Variants in NELL1 observed in about 807,000 individuals in gnomAD.
The protein encoded by NELL1 is protein kinase C-binding protein NELL1.
A neutral mutation model predicts 107.4 loss-of-function variants in NELL1; 76 were observed. That is an observed-to-expected ratio of 0.71 (90% CI 0.59 to 0.86). The LOEUF is 0.86. Among genes scored for constraint, NELL1 ranks in the 40% least tolerant of loss-of-function variants. NELL1 has a pLI of 0.00. For missense variants in NELL1, 1,024 were observed against 1,005.5 expected (o/e 1.02, Z -0.25); for synonymous variants, 353 against 341.2 (o/e 1.03, Z -0.38).
At chr11:20,998,148 G>C (rs1349573106) in intron 12 of NELL1, among the ~76,000 whole-genome samples, 1 of 151,954 alleles carries the variant, frequency 6.6e-6, no homozygotes, top group African/African-American at 2.4e-5. Flanking sequence ...AAAATTATAA[G>C]AATATTAAGA....
chr11:20,890,190 T>A (rs1420374204), intron 5 of NELL1, among the ~76,000 whole-genome samples: 1 of 151,992 alleles, frequency 6.6e-6, no homozygotes, highest in Admixed American at 6.6e-5. Context: ...AAGTGACATC[T>A]CCAGGCATGG....
chr11:21,253,801 C>A (rs1311225712), intron 14 of NELL1, among the ~76,000 whole-genome samples: 1 of 152,014 alleles, frequency 6.6e-6, no homozygotes, highest in African/African-American at 2.4e-5. Context: ...AACAAAAAAA[C>A]ACAGCTTCTG....
chr11:21,170,152 A>G lies in NELL1; in HGVS notation c.1426+56438A>G, dbSNP rs1856572575. On this transcript the variant is annotated intron_variant, in intron 13 of 19. Coordinates refer to ENST00000357134, the MANE Select transcript of NELL1 (RefSeq NM_006157.5). ...CTTTGTTCCATGACTCCTTCAATACATGACTGGGATGTGATCTAAGCAGGT... is the reference window on the plus strand; with the variant it reads ...CTTTGTTCCATGACTCCTTCAATACGTGACTGGGATGTGATCTAAGCAGGT... 3 of 650,772 alleles carry G rather than the reference A, an allele frequency of 4.6e-6. No individual in the cohort carries two copies. The Admixed American group carries it at 7.2e-5, about 16-fold the overall frequency. The allele number at this position is 650,772 out of a possible 1,614,324, so 40.3% of individuals were successfully genotyped here.
At chr11:20,975,880 C>T (rs565042048) in intron 12 of NELL1, among the ~76,000 whole-genome samples, 23 of 103,652 alleles carry the variant, frequency 2.2e-4, no homozygotes, top group Admixed American at 5.2e-4. Flanking sequence ...TATACACATA[C>T]ATGTGTATTA....
chr11:21,359,935 C>T (rs1015463488), intron 14 of NELL1, among the ~76,000 whole-genome samples: 6 of 152,014 alleles, frequency 3.9e-5, no homozygotes, highest in African/African-American at 1.4e-4. Flanking sequence ...TTTCAAGAAC[C>T]AGCATTTTAT....
intron 14 of NELL1, among the ~76,000 whole-genome samples, chr11:21,344,592 G>A (rs1850645545): frequency 1.3e-5 from 2 of 151,878 alleles, no homozygotes; most frequent in South Asian, 4.2e-4. Flanking sequence ...GTATTTAATT[G>A]TAAGTCTGGG....
chr11:21,504,873 C>G (rs778209634), intron 15 of NELL1, among the ~76,000 whole-genome samples: 24 of 152,088 alleles, frequency 1.6e-4, no homozygotes, highest in Non-Finnish European at 3.1e-4. Context: ...GGATATCACC[C>G]TTGGTATCTC....
chr11:20,945,057 C>G (rs1196402601), intron 10 of NELL1, among the ~76,000 whole-genome samples: 1 of 152,120 alleles, frequency 6.6e-6, no homozygotes, highest in Non-Finnish European at 1.5e-5. Context: ...TAGAGATAAT[C>G]TTTTAACAGT....
intron 15 of NELL1, among the ~76,000 whole-genome samples, chr11:21,501,039 G>C (rs1160953177): frequency 6.6e-6 from 1 of 152,072 alleles, no homozygotes; most frequent in Non-Finnish European, 1.5e-5. Context: ...AGTGTGTTTT[G>C]TAGTACTTAC....
intron 13 of NELL1, among the ~76,000 whole-genome samples, chr11:21,126,788 G>T (rs1322532260): frequency 1.3e-5 from 2 of 152,216 alleles, no homozygotes; most frequent in African/African-American, 4.8e-5. Context: ...AGACTGGGAA[G>T]ATGAGCCTAG....
chr11:20,793,048 T>A (rs1857105392), intron 3 of NELL1, among the ~76,000 whole-genome samples: 1 of 151,964 alleles, frequency 6.6e-6, no homozygotes, highest in Non-Finnish European at 1.5e-5. Context: ...AATAATTACA[T>A]GTAAACATAA....
chr11:21,244,773 C>T (rs1858448538), intron 14 of NELL1, among the ~76,000 whole-genome samples: 1 of 152,140 alleles, frequency 6.6e-6, no homozygotes, highest in Admixed American at 6.6e-5. Flanking sequence ...CGTGTTCTAC[C>T]TGCAAGCAAG....
chr11:20,953,736 C>G (rs1208066410), intron 11 of NELL1, among the ~76,000 whole-genome samples: 1 of 152,108 alleles, frequency 6.6e-6, no homozygotes, highest in Non-Finnish European at 1.5e-5. Context: ...GCATTTGGAA[C>G]TCTTATTCTT....
intron 12 of NELL1, among the ~76,000 whole-genome samples, chr11:21,015,886 C>T (rs190187738): frequency 1.3e-5 from 2 of 152,152 alleles, no homozygotes; most frequent in East Asian, 1.9e-4. Context: ...GCATTGTGAC[C>T]GTTTCTGGGT....
intron 4 of NELL1, among the ~76,000 whole-genome samples, chr11:20,863,900 G>A (rs558545089): frequency 8.0e-4 from 122 of 152,330 alleles, no homozygotes; most frequent in South Asian, 1.2e-3. Flanking sequence ...GCGGTTAGGA[G>A]CTGGAGACCA....
At chr11:20,921,889 A>G (rs1590418314) in intron 7 of NELL1, among the ~76,000 whole-genome samples, 1 of 150,124 alleles carries the variant, frequency 6.7e-6, no homozygotes, top group East Asian at 2.0e-4. Context: ...AAATTATTTG[A>G]CATTATTTAC....
intron 2 of NELL1, among the ~76,000 whole-genome samples, chr11:20,779,529 T>G (rs1856814684): frequency 6.6e-6 from 1 of 152,236 alleles, no homozygotes; most frequent in African/African-American, 2.4e-5. Flanking sequence ...AGTGGTTGAA[T>G]ATGGAAGTAC....
intron 12 of NELL1, among the ~76,000 whole-genome samples, chr11:21,037,257 A>G (rs1209065822): frequency 1.8e-4 from 27 of 152,144 alleles, no homozygotes; most frequent in Admixed American, 1.8e-3. Flanking sequence ...ATGTGAATTT[A>G]CCCACCTTAC....
intron 14 of NELL1, among the ~76,000 whole-genome samples, chr11:21,302,045 C>T (rs2133625179): frequency 6.6e-6 from 1 of 152,180 alleles, no homozygotes; most frequent in African/African-American, 2.4e-5. Context: ...GATCTGTTCA[C>T]TTGCTCATCT....
Sources: allele counts gnomAD v4.1 joint callset (sites outside exome capture counted in the v4.1 genomes callset), GRCh38; gene constraint gnomAD v4.1.1; transcripts MANE v1.5; gene names NCBI Gene and HGNC (gene_info 2026-07-23, HGNC 2026-07-21).